NSMAF: variants seen among roughly 807,000 people sequenced by gnomAD.
NSMAF encodes the protein neutral sphingomyelinase activation associated factor.
A neutral mutation model predicts 134.9 loss-of-function variants in NSMAF; 90 were observed. That is an observed-to-expected ratio of 0.67 (90% CI 0.56 to 0.79). The LOEUF (loss-of-function observed/expected upper bound fraction) is 0.79, where lower values mean the gene tolerates loss of function less well. Ranked by LOEUF, NSMAF falls within the 30% of genes least tolerant of loss-of-function variation. The pLI, the probability that NSMAF is intolerant of heterozygous loss-of-function variation, is 0.00. For synonymous variants in NSMAF, 358 were observed against 389.6 expected (o/e 0.92, Z 0.96); for missense variants, 1,010 against 1,119.0 (o/e 0.90, Z 1.39).
intron 26 of NSMAF, chr8:58,588,649 A>G (rs991588304): frequency 1.7e-5 from 26 of 1,534,824 alleles, no homozygotes; most frequent in Admixed American, 6.7e-5. Context: ...TCGAATGACG[A>G]ATTTCTTAAT....
chr8:58,589,202 T>C (rs1003043319), intron 26 of NSMAF, among the ~76,000 whole-genome samples: 1 of 147,580 alleles, frequency 6.8e-6, no homozygotes, highest in African/African-American at 2.5e-5. Flanking sequence ...ATAACAGATA[T>C]TATATTTTAA....
intron 5 of NSMAF, among the ~76,000 whole-genome samples, chr8:58,632,625 A>G (rs952805324): frequency 6.6e-6 from 1 of 152,088 alleles, no homozygotes; most frequent in Non-Finnish European, 1.5e-5. Context: ...CTTAGTTCTC[A>G]CACCACTCTG....
intron 11 of NSMAF, 72 bp downstream of exon 11, chr8:58,607,697 T>C (rs1190811759): frequency 2.6e-6 from 3 of 1,146,282 alleles, no homozygotes; most frequent in Non-Finnish European, 2.6e-6. Context: ...CATAAGTGTT[T>C]ACCGTCAATA....
At chr8:58,616,865 T>C (rs539402634) in intron 9 of NSMAF, among the ~76,000 whole-genome samples, 1 of 152,178 alleles carries the variant, frequency 6.6e-6, no homozygotes, top group Non-Finnish European at 1.5e-5. Flanking sequence ...GACTAATGAG[T>C]GAATTTAGAA....
chr8:58,656,381 A>G (rs902183950), intron 1 of NSMAF, among the ~76,000 whole-genome samples: 4 of 152,228 alleles, frequency 2.6e-5, no homozygotes, highest in Admixed American at 6.5e-5. Flanking sequence ...TAAAATTACC[A>G]AAACATTTAT....
intron 30 of NSMAF, among the ~76,000 whole-genome samples, chr8:58,585,033 A>G (rs1243338950): frequency 6.6e-6 from 1 of 152,222 alleles, no homozygotes; most frequent in African/African-American, 2.4e-5. Context: ...CTCAAGGGAT[A>G]ACAAGAGACA....
Position 58,583,889 on chromosome 8 carries a change from G to C in NSMAF, c.*217C>G. 1 of 550,722 alleles carries C rather than the reference G, an allele frequency of 1.8e-6. No individual in the cohort carries two copies. Among genetic ancestry groups the C allele is most frequent in the Non-Finnish European group, 3.3e-6 (1 of 307,582 alleles). 34.1% of individuals were successfully genotyped at this position (550,722 alleles called of 1,614,324 possible). ...GATCATCTGCCTTACAGTGTAACAT[G>C]TTTTTCCTAACACAGCCGCATTTTA... On this transcript the variant is annotated 3_prime_UTR_variant, in exon 31 of 31. Transcript: ENST00000038176.
intron 1 of NSMAF, among the ~76,000 whole-genome samples, chr8:58,649,436 G>A (rs1807532569): frequency 6.6e-6 from 1 of 152,154 alleles, no homozygotes; most frequent in Admixed American, 6.5e-5. Context: ...GGGGACTATT[G>A]GGAAGAAATG....
chr8:58,605,848 C>G lies in NSMAF; in HGVS notation c.868+79G>C, dbSNP rs553688695. On this transcript the variant is annotated intron_variant, in intron 12 of 30. Coordinates refer to ENST00000038176, the MANE Select transcript of NSMAF (RefSeq NM_003580.4). ...TGAGCCGAGATCACGCCACTGCACT[C>G]CAGCCTGGGTGACAGAGCGAGACTC... The G allele has an allele frequency of 2.3e-3, 3,201 of 1,392,480 alleles. 10 individuals are homozygous for G. Among genetic ancestry groups the G allele is most frequent in the Middle Eastern group, 9.1e-3 (47 of 5,186 alleles). The allele number at this position is 1,392,480 out of a possible 1,614,324, so 86.3% of individuals were successfully genotyped here.
At chr8:58,643,417 CT>C (rs1369100546) in intron 1 of NSMAF, among the ~76,000 whole-genome samples, 1 of 152,170 alleles carries the variant, frequency 6.6e-6, no homozygotes. Flanking sequence ...TTTGTTTCCC[CT>C]GACTGAACAA....
At chr8:58,657,343 T>TA (rs1807741364) in intron 1 of NSMAF, among the ~76,000 whole-genome samples, 1 of 152,210 alleles carries the variant, frequency 6.6e-6, no homozygotes, top group South Asian at 2.1e-4. Flanking sequence ...CCAGTGAACT[T>TA]ACAATGAACA....
intron 1 of NSMAF, 35 bp from the exon 2 acceptor site, chr8:58,643,108 T>C (rs1454458208): frequency 1.3e-6 from 2 of 1,493,836 alleles, no homozygotes; most frequent in African/African-American, 2.8e-5. Flanking sequence ...TTTCAGTTTA[T>C]TTTTTAGTAA....
chr8:58,608,469 G>A (rs919830220), intron 10 of NSMAF, among the ~76,000 whole-genome samples: 5 of 152,184 alleles, frequency 3.3e-5, no homozygotes, highest in African/African-American at 7.2e-5. Flanking sequence ...TCCCAAGTAG[G>A]AGGGAAGATG....
At chr8:58,623,302 T>G (rs116544617) in intron 8 of NSMAF, 30 bp from the exon 9 acceptor site, 24 of 770,376 alleles carry the variant, frequency 3.1e-5, no homozygotes, top group East Asian at 4.1e-5. Flanking sequence ...AAAAAAGTAT[T>G]TATAAGTATT....
chr8:58,635,483 G>A lies in NSMAF; in HGVS notation c.213C>T (p.Ser71=). ...ATGTATTTACCTTGATGATGGGCTG[G>A]GATATTGAATCTGGTTCAAAAATCA... The part of the protein sequence containing the change: ...KSVIFEPDSI[S]QPIIKIPLRD... The change falls in exon 3 of 31, where the codon TCC becomes TCT. Residue 71 remains serine, a synonymous_variant. Coordinates refer to ENST00000038176, the MANE Select transcript of NSMAF (RefSeq NM_003580.4). 2 of 1,603,088 alleles carry A rather than the reference G, an allele frequency of 1.2e-6. No individual in the cohort carries two copies. The highest frequency in any genetic ancestry group is 1.7e-6 in the Non-Finnish European group (2 of 1,175,726).
intron 1 of NSMAF, among the ~76,000 whole-genome samples, chr8:58,653,855 A>G (rs1807641484): frequency 6.6e-6 from 1 of 152,210 alleles, no homozygotes; most frequent in Non-Finnish European, 1.5e-5. Context: ...CATACTCAAA[A>G]TCCATTTATG....
intron 9 of NSMAF, among the ~76,000 whole-genome samples, chr8:58,610,673 C>A (rs72647451): frequency 0.31 from 46,441 of 152,048 alleles, 7,567 homozygotes; most frequent in Non-Finnish European, 0.35. Flanking sequence ...GTAAGGGCTG[C>A]AGAATGAAGA....
At chr8:58,600,076 CA>C (rs1249968472) in intron 16 of NSMAF, 55 bp from the exon 17 acceptor site, 3 of 1,301,758 alleles carry the variant, frequency 2.3e-6, no homozygotes, top group Non-Finnish European at 3.3e-6. Flanking sequence ...GCAATAGCAG[CA>C]TTTCCTATGC....
intron 2 of NSMAF, chr8:58,639,923 C>T (rs1563542305): frequency 2.8e-6 from 1 of 358,594 alleles, no homozygotes; most frequent in African/African-American, 2.1e-5. Context: ...TTCACGTAGA[C>T]TCTAAAAGAG....
Sources: allele counts gnomAD v4.1 joint callset (sites outside exome capture counted in the v4.1 genomes callset), GRCh38; gene constraint gnomAD v4.1.1; transcripts MANE v1.5; gene names NCBI Gene and HGNC (gene_info 2026-07-23, HGNC 2026-07-21).